Variants in SLC43A2 observed in about 807,000 individuals in gnomAD.
The protein encoded by SLC43A2 is large neutral amino acids transporter small subunit 4.
SLC43A2 carries 38 observed loss-of-function variants against 63.2 expected under a neutral mutation model. The ratio of observed to expected loss-of-function variants is 0.60; its 90% CI spans 0.46 to 0.79. The LOEUF is 0.79. Ranked by LOEUF, SLC43A2 falls within the 30% of genes least tolerant of loss-of-function variation. The probability of loss-of-function intolerance (pLI) is 0.00; values close to 1 mark genes in which losing one functional copy is unlikely to be tolerated. For synonymous variants in SLC43A2, 322 were observed against 331.0 expected (o/e 0.97, Z 0.30); for missense variants, 644 against 756.2 (o/e 0.85, Z 1.74).
rs187403307 is a variant in SLC43A2, at chr17:1,610,880, A to T, written c.501+2315T>A. 3.0e-3 allele frequency among the ~76,000 whole-genome samples: 446 copies of T among 146,774 alleles called. 3 individuals carry two copies. The highest frequency in any genetic ancestry group is 0.011 in the African/African-American group (432 of 39,598). ...TTTGAGGGGGAGTCTTGATCTTGTC[A>T]CCCAGGCTGGAGTTCAGTGGCGCGA... On this transcript the variant is annotated intron_variant, in intron 5 of 13. Transcript: ENST00000301335.
At position 1,570,166 on chromosome 17, in the gene SLC43A2, T is replaced by G. The variant is rs1454164442; in HGVS notation, c.*5438A>C. 2 of 152,168 alleles carry G rather than the reference T, an allele frequency of 1.3e-5. No individual in the cohort carries two copies. Among genetic ancestry groups the G allele is most frequent in the Non-Finnish European group, 2.9e-5 (2 of 68,086 alleles). The allele number at this position is 152,168 out of a possible 1,614,324, so 9.4% of individuals were successfully genotyped here. A position where few individuals can be genotyped will look rare whatever the true frequency, so the allele number is the denominator to read the frequency against. On this transcript the variant is annotated 3_prime_UTR_variant, in exon 14 of 14. Transcript: ENST00000301335. ...CCTCAGCCTCCCAAAGTGCTGGGAT[T>G]ACAGGCGTGAGCCACTGCGCCCGGC... is the stretch of plus-strand genomic sequence containing the variant.
Position 1,593,307 on chromosome 17 carries a change from A to C in SLC43A2, c.502-28T>G, listed in dbSNP as rs1182329914. 10 of 1,601,484 alleles carry C rather than the reference A, an allele frequency of 6.2e-6. No homozygotes were observed. Among genetic ancestry groups the C allele is most frequent in the South Asian group, 2.2e-5 (2 of 90,104 alleles). On this transcript the variant is annotated intron_variant, in intron 5 of 13. Coordinates refer to ENST00000301335, the MANE Select transcript of SLC43A2 (RefSeq NM_152346.3). This position sits in a 1 kb window ranked among gnomAD's most constrained non-coding sequence, Gnocchi z 5.3. ...GAGAGATAAGAAGCAGAGAAACCTC[A>C]GTGGGGAGGATGCACCAGGGAAGGG...
intron 5 of SLC43A2, among the ~76,000 whole-genome samples, chr17:1,607,865 A>G (rs918432195): frequency 1.3e-5 from 2 of 151,916 alleles, no homozygotes; most frequent in South Asian, 2.1e-4. Context: ...ACAGGCGCCC[A>G]CCACCACATC....
At chr17:1,614,579 G>A (rs1907420698) in intron 4 of SLC43A2, among the ~76,000 whole-genome samples, 1 of 152,118 alleles carries the variant, frequency 6.6e-6, no homozygotes, top group South Asian at 2.1e-4. Flanking sequence ...CTTGAACAGG[G>A]TTGGGGACCA....
intron 1 of SLC43A2, 151 bp from the exon 2 acceptor site, chr17:1,628,071 C>T: frequency 1.3e-6 from 1 of 758,368 alleles, no homozygotes; most frequent in Non-Finnish European, 1.8e-6. Flanking sequence ...AACCCCAGCC[C>T]TGCCCGGACC....
chr17:1,586,928 T>TGGGGGCCCC, intron 9 of SLC43A2: 1 of 1,232,916 alleles, frequency 8.1e-7, no homozygotes, highest in Non-Finnish European at 1.1e-6. Flanking sequence ...TCCCTGACAA[T>TGGGGGCCCC]CCCCCCCACC....
At chr17:1,586,898 G>A (rs934575879) in intron 9 of SLC43A2, 10 of 1,527,006 alleles carry the variant, frequency 6.5e-6, no homozygotes, top group Non-Finnish European at 8.8e-6. Flanking sequence ...GAGACTGGCT[G>A]GGAGGGGACA....
intron 2 of SLC43A2, among the ~76,000 whole-genome samples, chr17:1,625,014 C>T (rs186474913): frequency 6.6e-6 from 1 of 152,312 alleles, no homozygotes; most frequent in East Asian, 1.9e-4. Context: ...TGGGCCGTCA[C>T]GTTGCCATCC....
chr17:1,576,867 T>TG, intron 12 of SLC43A2, 147 bp from the exon 13 acceptor site: 1 of 921,300 alleles, frequency 1.1e-6, no homozygotes, highest in Non-Finnish European at 1.5e-6. Context: ...AGTTCTGTTT[T>TG]TTTTTTTTTT....
intron 5 of SLC43A2, among the ~76,000 whole-genome samples, chr17:1,597,498 C>CAAAA (rs71148498): frequency 0.21 from 27,075 of 130,902 alleles, 3,383 homozygotes; most frequent in Non-Finnish European, 0.29. Flanking sequence ...GAGCAAGACT[C>CAAAA]AAAAAAAAAA....
chr17:1,581,505 G>A (rs527362418), intron 11 of SLC43A2, among the ~76,000 whole-genome samples: 2 of 152,284 alleles, frequency 1.3e-5, no homozygotes, highest in African/African-American at 2.4e-5. Context: ...CAGTTCCCAC[G>A]GTGGGGCACA....
chr17:1,614,991 T>C lies in SLC43A2; in HGVS notation c.412A>G (p.Ser138Gly), dbSNP rs764345691. ...AGAGGACACTCACCGTTTGGTTTAC[T>C]TGCTCCGTACGCAATCAGCAAGCAG... ...VSCLLIAYGASKPNALSVLIF... is the reference protein window; with the variant it reads ...VSCLLIAYGAGKPNALSVLIF... Residue 138 changes from serine (S) to glycine (G), a missense_variant, in exon 4 of 14, where the codon AGT becomes GGT. Physicochemically the swap from Ser to Gly is moderately conservative, Grantham distance 56 (BLOSUM62 0). This residue lies in a region of SLC43A2 where 528 missense variants were observed against 623.6 expected (regional missense o/e 0.85). Transcript: ENST00000301335. 1.9e-6 allele frequency: 3 copies of C among 1,614,048 alleles called. No individual in the cohort carries two copies. Among genetic ancestry groups the C allele is most frequent in the Admixed American group, 1.7e-5 (1 of 59,986 alleles).
chr17:1,600,311 T>A (rs1392143549), intron 5 of SLC43A2, among the ~76,000 whole-genome samples: 1 of 143,924 alleles, frequency 6.9e-6, no homozygotes, highest in East Asian at 2.2e-4. Flanking sequence ...CCACGACGCC[T>A]GGCTAATTTT....
rs568768974 is a variant in SLC43A2 at position 1,583,510 on chromosome 17, G to C, written c.1218-174C>G. On this transcript the variant is annotated intron_variant, in intron 10 of 13. Coordinates refer to ENST00000301335, the MANE Select transcript of SLC43A2 (RefSeq NM_152346.3). The surrounding 1 kb of genome is among the most constrained non-coding windows in gnomAD (Gnocchi z 5.5). ...GGACCAGCACTACGGACACTCCCCG[G>C]CCCTTCTCAGTGGCAAGCTGAGTGT... 3.1e-5 allele frequency: 35 copies of C among 1,123,844 alleles called. No homozygotes were observed. In the African/African-American group the frequency reaches 5.0e-4, roughly 16 times the overall value. The allele number at this position is 1,123,844 out of a possible 1,614,324, so 69.6% of individuals were successfully genotyped here. A position where few individuals can be genotyped will look rare whatever the true frequency, so the allele number is the denominator to read the frequency against.
At position 1,583,359 on chromosome 17, in the gene SLC43A2, G is replaced by C. The variant is rs755506524; in HGVS notation, c.1218-23C>G. Reference sequence around the variant, plus strand: ...CCTCTGTGGAGACACAGAACGTGCAGGGGTGGGAGGGCTCCCCGGAGGAAG... The same window carrying C: ...CCTCTGTGGAGACACAGAACGTGCACGGGTGGGAGGGCTCCCCGGAGGAAG... On this transcript the variant is annotated intron_variant, in intron 10 of 13. Transcript: ENST00000301335. This position sits in a 1 kb window ranked among gnomAD's most constrained non-coding sequence, Gnocchi z 5.5. The C allele has an allele frequency of 6.2e-7, 1 of 1,610,692 alleles. No individual in the cohort carries two copies. Among genetic ancestry groups the C allele is most frequent in the Non-Finnish European group, 8.5e-7 (1 of 1,177,200 alleles).
In SLC43A2 at chr17:1,570,296, C is replaced by G. The variant is rs1029336865; in HGVS notation, c.*5308G>C. 2 of 152,148 alleles carry G rather than the reference C, an allele frequency of 1.3e-5. No individual in the cohort carries two copies. The highest frequency in any genetic ancestry group is 2.9e-5 in the Non-Finnish European group (2 of 68,124). The allele number at this position is 152,148 out of a possible 1,614,324, so 9.4% of individuals were successfully genotyped here. A position where few individuals can be genotyped will look rare whatever the true frequency, so the allele number is the denominator to read the frequency against. ...CCACCCCGCCCCCGCTTCGGCCTCC[C>G]AAAGCACTGGGATTACAGGGATGAG... is the stretch of plus-strand genomic sequence containing the variant. On this transcript the variant is annotated 3_prime_UTR_variant, in exon 14 of 14. Coordinates refer to ENST00000301335, the MANE Select transcript of SLC43A2 (RefSeq NM_152346.3).
intron 5 of SLC43A2, among the ~76,000 whole-genome samples, chr17:1,608,697 G>A (rs1024820922): frequency 5.3e-5 from 8 of 151,994 alleles, no homozygotes; most frequent in Non-Finnish European, 8.8e-5. Flanking sequence ...CCCGGCCACC[G>A]CAGTGGTTTT....
chr17:1,613,559 C>T (rs56886756), intron 4 of SLC43A2, among the ~76,000 whole-genome samples: 118,946 of 152,070 alleles, frequency 0.78, 46,808 homozygotes, highest in East Asian at 0.96. Context: ...TTCAAGTGAT[C>T]CTCCTGCCTC....
intron 6 of SLC43A2, among the ~76,000 whole-genome samples, chr17:1,592,071 G>A (rs1207154104): frequency 2.0e-5 from 3 of 152,204 alleles, no homozygotes; most frequent in Admixed American, 6.5e-5. Context: ...GGCGGGAACC[G>A]GCCAGCCCCG....
Sources: allele counts gnomAD v4.1 joint callset (sites outside exome capture counted in the v4.1 genomes callset), GRCh38; gene constraint gnomAD v4.1.1; regional missense constraint gnomAD v4.1.1; non-coding constraint Gnocchi (gnomAD v3.1); transcripts MANE v1.5; gene names NCBI Gene and HGNC (gene_info 2026-07-23, HGNC 2026-07-21).